Variants in LY6S observed in about 807,000 individuals in gnomAD.
LY6S encodes lymphocyte antigen 6 family member S.
the LY6S span, among the ~76,000 whole-genome samples, chr8:143,067,507 G>A: frequency 6.6e-6 from 1 of 152,196 alleles, no homozygotes; most frequent in African/African-American, 2.4e-5. Flanking sequence ...TTCTCGTCAG[G>A]TGGAGATAAG....
chr8:143,053,015 G>A, the LY6S span, among the ~76,000 whole-genome samples: 10 of 152,144 alleles, frequency 6.6e-5, no homozygotes, highest in East Asian at 3.9e-4. Context: ...GGCTGCCCTC[G>A]CCTGGCAAGT....
the LY6S span, among the ~76,000 whole-genome samples, chr8:143,048,801 C>T: frequency 3.9e-5 from 6 of 152,230 alleles, no homozygotes; most frequent in Non-Finnish European, 5.9e-5. Context: ...ATTAAGAGTG[C>T]GCTGTCCCTC....
At chr8:143,074,887 C>T in the LY6S span, among the ~76,000 whole-genome samples, 25 of 152,340 alleles carry the variant, frequency 1.6e-4, no homozygotes, top group Non-Finnish European at 2.4e-4. Context: ...AGCTCCACTG[C>T]GAGAAAGGGG....
At chr8:143,065,331 C>T in the LY6S span, among the ~76,000 whole-genome samples, 4 of 152,170 alleles carry the variant, frequency 2.6e-5, no homozygotes, top group African/African-American at 9.7e-5. Flanking sequence ...CCCTGGGGAA[C>T]AGGACAGACC....
chr8:143,045,880 G>A, the LY6S span, among the ~76,000 whole-genome samples: 1 of 151,700 alleles, frequency 6.6e-6, no homozygotes, highest in Admixed American at 6.6e-5. The surrounding 1 kb of genome is among the most constrained non-coding windows in gnomAD (Gnocchi z 5.3). Flanking sequence ...TTTTGAGCTG[G>A]AGTCTCACTG....
chr8:143,062,436 G>A, the LY6S span, among the ~76,000 whole-genome samples: 1,860 of 152,344 alleles, frequency 0.012, 30 homozygotes, highest in East Asian at 0.065. Context: ...GGGAGGCCAA[G>A]GCGGGTGGAT....
the LY6S span, among the ~76,000 whole-genome samples, chr8:143,072,519 A>C: frequency 2.5e-5 from 1 of 39,752 alleles, no homozygotes; most frequent in Admixed American, 2.7e-4. Flanking sequence ...CGTCCTCGGG[A>C]TTCCTGTTTG....
chr8:143,063,139 A>G, the LY6S span, among the ~76,000 whole-genome samples: 3 of 152,162 alleles, frequency 2.0e-5, no homozygotes, highest in Non-Finnish European at 4.4e-5. Context: ...CCACTTGAGT[A>G]TGTTTAATAG....
the LY6S span, among the ~76,000 whole-genome samples, chr8:143,046,524 G>C: frequency 4.7e-5 from 7 of 149,426 alleles, no homozygotes; most frequent in Admixed American, 4.0e-4. Context: ...CTTGCAGTGA[G>C]ATGAGATTGC....
the LY6S span, among the ~76,000 whole-genome samples, chr8:143,073,514 T>A: frequency 1.4e-5 from 2 of 145,472 alleles, no homozygotes; most frequent in Non-Finnish European, 3.0e-5. Context: ...GGCTCCTGTT[T>A]GAGAAGACAG....
the LY6S span, among the ~76,000 whole-genome samples, chr8:143,074,038 T>C: frequency 6.6e-6 from 1 of 152,238 alleles, no homozygotes; most frequent in Non-Finnish European, 1.5e-5. Flanking sequence ...AAGGTGTTTT[T>C]TTCTCCTGGC....
the LY6S span, among the ~76,000 whole-genome samples, chr8:143,060,611 G>A: frequency 1.3e-5 from 2 of 152,144 alleles, no homozygotes; most frequent in Non-Finnish European, 2.9e-5. Context: ...TCCTTACCCT[G>A]CCCTCTTGCC....
At chr8:143,073,099 T>C in the LY6S span, among the ~76,000 whole-genome samples, 112 of 83,064 alleles carry the variant, frequency 1.3e-3, no homozygotes, top group African/African-American at 9.4e-3. Context: ...TCCCCGGGGT[T>C]CCTGTTTGAG....
chr8:143,068,909 T>C, the LY6S span, among the ~76,000 whole-genome samples: 2 of 152,152 alleles, frequency 1.3e-5, no homozygotes, highest in African/African-American at 4.8e-5. Context: ...TCTGAGATCT[T>C]ATGTCCCAGG....
At chr8:143,076,182 A>G in the LY6S span, among the ~76,000 whole-genome samples, 1 of 152,344 alleles carries the variant, frequency 6.6e-6, no homozygotes, top group Non-Finnish European at 1.5e-5. Context: ...TGATGTCACT[A>G]AACCCAAAGT....
chr8:143,046,568 A>T, the LY6S span, among the ~76,000 whole-genome samples: 1 of 140,256 alleles, frequency 7.1e-6, no homozygotes, highest in African/African-American at 2.9e-5. Context: ...ACAGAGTGAG[A>T]CTCCAGCTCA....
the LY6S span, among the ~76,000 whole-genome samples, chr8:143,075,424 C>T: frequency 6.6e-6 from 1 of 152,172 alleles, no homozygotes; most frequent in Non-Finnish European, 1.5e-5. This position sits in a 1 kb window ranked among gnomAD's most constrained non-coding sequence, Gnocchi z 4.1. Context: ...AAAAATAAGG[C>T]CAGGCACGGT....
chr8:143,054,751 G>A, the LY6S span, among the ~76,000 whole-genome samples: 2 of 152,218 alleles, frequency 1.3e-5, no homozygotes, highest in African/African-American at 4.8e-5. Context: ...CCTCTGAGCA[G>A]GACCCCTTCT....
chr8:143,064,468 A>T, the LY6S span, among the ~76,000 whole-genome samples: 1 of 152,232 alleles, frequency 6.6e-6, no homozygotes, highest in Non-Finnish European at 1.5e-5. Context: ...GGGGCTAGAT[A>T]TTAGTAAATC....
Sources: allele counts gnomAD v4.1 joint callset (sites outside exome capture counted in the v4.1 genomes callset), GRCh38; gene constraint gnomAD v4.1.1; non-coding constraint Gnocchi (gnomAD v3.1); transcripts MANE v1.5; gene names NCBI Gene and HGNC (gene_info 2026-07-23, HGNC 2026-07-21).